CBL: variants seen among roughly 807,000 people sequenced by gnomAD.
The protein encoded by CBL is Cbl proto-oncogene, also known as E3 ubiquitin-protein ligase CBL.
Under a neutral mutation model 96.9 loss-of-function variants are expected in CBL, and 45 were observed. The ratio of observed to expected loss-of-function variants is 0.46; its 90% CI spans 0.37 to 0.60. CBL has a LOEUF of 0.60. Ranked by LOEUF, CBL falls within the 20% of genes least tolerant of loss-of-function variation. The probability of loss-of-function intolerance (pLI) is 0.00; values close to 1 mark genes in which losing one functional copy is unlikely to be tolerated. For missense variants in CBL, 1,024 were observed against 1,143.5 expected (o/e 0.90, Z 1.51); for synonymous variants, 420 against 426.8 (o/e 0.98, Z 0.20).
chr11:119,277,738 G>A lies in CBL; in HGVS notation c.1008-19G>A, dbSNP rs973183740. 1 of 1,582,440 alleles carries A rather than the reference G, an allele frequency of 6.3e-7. No homozygotes were observed. Among genetic ancestry groups the A allele is most frequent in the East Asian group, 2.2e-5 (1 of 44,736 alleles). Reference sequence around the variant, plus strand: ...GCAAATTGGCTTAAATAAAACCCAGGGTTGGTTACTCTTTACAGCTATTTG... The same window carrying A: ...GCAAATTGGCTTAAATAAAACCCAGAGTTGGTTACTCTTTACAGCTATTTG... On this transcript the variant is annotated intron_variant, in intron 6 of 15. Coordinates refer to ENST00000264033, the MANE Select transcript of CBL (RefSeq NM_005188.4).
chr11:119,237,089 G>A (rs1949552293), intron 2 of CBL, among the ~76,000 whole-genome samples: 1 of 152,168 alleles, frequency 6.6e-6, no homozygotes, highest in African/African-American at 2.4e-5. Context: ...GTATACACTA[G>A]CACCTATTAG....
intron 2 of CBL, among the ~76,000 whole-genome samples, chr11:119,263,738 G>T (rs1242187233): frequency 6.6e-6 from 1 of 152,178 alleles, no homozygotes; most frequent in Non-Finnish European, 1.5e-5. Context: ...GTGAGGCTTT[G>T]TGGAAAACAG....
chr11:119,236,279 T>C (rs1043670299), intron 2 of CBL, among the ~76,000 whole-genome samples: 6 of 152,104 alleles, frequency 3.9e-5, no homozygotes, highest in Non-Finnish European at 5.9e-5. Context: ...TTTCTGTCTA[T>C]GTGGATTTGC....
chr11:119,267,018 A>C (rs747199290), intron 2 of CBL, among the ~76,000 whole-genome samples: 2 of 152,202 alleles, frequency 1.3e-5, no homozygotes, highest in Non-Finnish European at 2.9e-5. Flanking sequence ...TCTGTATCAT[A>C]CCTCATTCTT....
intron 2 of CBL, among the ~76,000 whole-genome samples, chr11:119,251,397 T>G (rs761682159): frequency 7.9e-5 from 12 of 152,250 alleles, no homozygotes; most frequent in Non-Finnish European, 1.5e-4. Context: ...AAGTCTGCCT[T>G]TACCCAAGGT....
At chr11:119,215,682 C>T (rs1949354412) in intron 1 of CBL, among the ~76,000 whole-genome samples, 1 of 151,054 alleles carries the variant, frequency 6.6e-6, no homozygotes, top group Non-Finnish European at 1.5e-5. Flanking sequence ...AAAAAAAAAG[C>T]CGAGGGTTGT....
chr11:119,256,712 T>C (rs1185507112), intron 2 of CBL, among the ~76,000 whole-genome samples: 22 of 146,994 alleles, frequency 1.5e-4, no homozygotes, highest in African/African-American at 3.0e-4. Context: ...AATCCCTCCC[T>C]GCCCTCCCAC....
At chr11:119,206,722 C>A in intron 1 of CBL, 110 bp downstream of exon 1, 2 of 1,049,792 alleles carry the variant, frequency 1.9e-6, no homozygotes, top group South Asian at 1.6e-5. Context: ...TCTGGTGAAG[C>A]CGGGGAGGCG....
rs11217195 is a variant in CBL at position 119,228,097 on chromosome 11, T to G, written c.196-4351T>G. ...CTATTCTAGGAGGCGTCCTCTTCTTTTAAAATATATGTATTTTAATGTATT... is the reference window on the plus strand; with the variant it reads ...CTATTCTAGGAGGCGTCCTCTTCTTGTAAAATATATGTATTTTAATGTATT... On this transcript the variant is annotated intron_variant, in intron 1 of 15. Coordinates refer to ENST00000264033, the MANE Select transcript of CBL (RefSeq NM_005188.4). Among the ~76,000 whole-genome samples, 684 of 152,244 alleles carry G rather than the reference T, an allele frequency of 4.5e-3. 7 individuals carry two copies. The highest frequency in any genetic ancestry group is 3.9e-3 in the Non-Finnish European group (267 of 68,026).
intron 12 of CBL, among the ~76,000 whole-genome samples, chr11:119,295,756 T>G (rs1372299332): frequency 6.6e-6 from 1 of 152,100 alleles, no homozygotes; most frequent in East Asian, 1.9e-4. Flanking sequence ...TCTCATTTTA[T>G]TGTGAAAAGT....
At chr11:119,235,114 A>AT (rs959069524) in intron 2 of CBL, among the ~76,000 whole-genome samples, 2 of 151,130 alleles carry the variant, frequency 1.3e-5, no homozygotes, top group Non-Finnish European at 3.0e-5. Context: ...TCTTTTTTCT[A>AT]TTTTTTTTCT....
chr11:119,242,228 T>C (rs1949591753), intron 2 of CBL, among the ~76,000 whole-genome samples: 2 of 151,930 alleles, frequency 1.3e-5, no homozygotes, highest in Non-Finnish European at 2.9e-5. Context: ...CTAAGGAGGA[T>C]CAGTGGAGGC....
chr11:119,238,061 G>A (rs1004877849), intron 2 of CBL, among the ~76,000 whole-genome samples: 2 of 151,436 alleles, frequency 1.3e-5, no homozygotes, highest in African/African-American at 4.9e-5. Flanking sequence ...CACTAGAGAC[G>A]GGGTTTCACC....
At chr11:119,241,398 A>G (rs1949585728) in intron 2 of CBL, among the ~76,000 whole-genome samples, 1 of 152,200 alleles carries the variant, frequency 6.6e-6, no homozygotes, top group Non-Finnish European at 1.5e-5. Flanking sequence ...TTTCTAATGT[A>G]ATTCTGCCTT....
chr11:119,215,199 AC>A (rs1361277328), intron 1 of CBL, among the ~76,000 whole-genome samples: 4 of 151,750 alleles, frequency 2.6e-5, no homozygotes, highest in Admixed American at 6.6e-5. Context: ...GTTTTTGCTG[AC>A]TCTTGATATA....
Position 119,269,285 on chromosome 11 carries a change from C to T in CBL, c.444-2450C>T, listed in dbSNP as rs138390150. ...TTTTTTGGACCGAGTCTCACTCTGT[C>T]GTCCAGGCTGGAGTGCAGTGGTGCA... On this transcript the variant is annotated intron_variant, in intron 2 of 15. Coordinates refer to ENST00000264033, the MANE Select transcript of CBL (RefSeq NM_005188.4). Among the ~76,000 whole-genome samples the T allele has an allele frequency of 2.5e-3, 328 of 132,814 alleles. 4 individuals are homozygous for T. Among genetic ancestry groups the T allele is most frequent in the African/African-American group, 6.0e-3 (205 of 34,218 alleles). 87.1% of individuals were successfully genotyped at this position (132,814 alleles called of 152,430 possible). A position where few individuals can be genotyped will look rare whatever the true frequency, so the allele number is the denominator to read the frequency against.
chr11:119,256,728 C>G (rs138385469), intron 2 of CBL, among the ~76,000 whole-genome samples: 2 of 151,320 alleles, frequency 1.3e-5, no homozygotes, highest in African/African-American at 2.4e-5. Flanking sequence ...CCCACCTCCC[C>G]GCTTCTGAGT....
chr11:119,292,427 T>A (rs1489015796), intron 12 of CBL, among the ~76,000 whole-genome samples: 1 of 151,808 alleles, frequency 6.6e-6, no homozygotes, highest in East Asian at 1.9e-4. Flanking sequence ...TCTTTTTTTC[T>A]TTTCTTTTTT....
chr11:119,221,272 G>T (rs892096936), intron 1 of CBL, among the ~76,000 whole-genome samples: 1 of 151,496 alleles, frequency 6.6e-6, no homozygotes, highest in Non-Finnish European at 1.5e-5. Context: ...TAGGTTTCCG[G>T]CTGGGCACCG....
Sources: gnomAD v4.1 joint callset for allele counts (sites outside exome capture counted in the v4.1 genomes callset) on GRCh38, gnomAD v4.1.1 for gene constraint, MANE v1.5 for transcripts, NCBI Gene and HGNC (gene_info 2026-07-23, HGNC 2026-07-21) for gene names.